The following AHNAK variants were observed in gnomAD, a reference collection of about 807,000 sequenced individuals.
AHNAK encodes the protein AHNAK nucleoprotein, also known as neuroblast differentiation-associated protein AHNAK.
AHNAK carries 23 observed loss-of-function variants against 37.8 expected under a neutral mutation model. The observed-to-expected ratio is 0.61, with a 90% confidence interval of 0.44 to 0.86. The LOEUF is 0.86. Ranked by LOEUF, AHNAK falls within the 40% of genes least tolerant of loss-of-function variation. AHNAK has a pLI of 0.00. For synonymous variants in AHNAK, 2,481 were observed against 2,636.3 expected (o/e 0.94, Z 1.80); for missense variants, 7,411 against 7,319.4 (o/e 1.01, Z -0.46).
chr11:62,535,558 G>T (rs1054202398), intron 3 of AHNAK, among the ~76,000 whole-genome samples: 3 of 151,714 alleles, frequency 2.0e-5, no homozygotes, highest in Non-Finnish European at 2.9e-5. Flanking sequence ...TGAGGCATAA[G>T]AATCGCTTGA....
chr11:62,448,730 C>T (rs756398728), intron 5 of AHNAK, among the ~76,000 whole-genome samples: 5 of 152,122 alleles, frequency 3.3e-5, no homozygotes, highest in Non-Finnish European at 7.3e-5. Context: ...GTGTTCAAGG[C>T]TGGAGCCCAA....
intron 5 of AHNAK, chr11:62,433,964 C>G: frequency 6.3e-7 from 1 of 1,585,464 alleles, no homozygotes; most frequent in Non-Finnish European, 8.6e-7. Context: ...GAAGATGGTT[C>G]GTTAACTTTG....
Position 62,450,629 on chromosome 11 carries a change from T to C in AHNAK, c.443-16738A>G, listed in dbSNP as rs564411734. ...CTGTGCCGTGTCCCTCACCATTTCC[T>C]GCAAGTGCCATGCACCGTCAGACCT... On this transcript the variant is annotated intron_variant, in intron 5 of 5. Transcript: ENST00000257247. Among the ~76,000 whole-genome samples the C allele has an allele frequency of 5.9e-5, 9 of 152,348 alleles. No homozygotes were observed. The South Asian group carries it at 1.4e-3, about 25-fold the overall frequency.
chr11:62,473,021 G>A (rs1022554528), intron 5 of AHNAK, among the ~76,000 whole-genome samples: 3 of 136,272 alleles, frequency 2.2e-5, no homozygotes, highest in Non-Finnish European at 3.1e-5. Flanking sequence ...GGAGGCAGAG[G>A]TTGCAGTGAG....
chr11:62,447,238 G>A (rs143332981), intron 5 of AHNAK, among the ~76,000 whole-genome samples: 3 of 152,132 alleles, frequency 2.0e-5, no homozygotes, highest in African/African-American at 7.2e-5. Flanking sequence ...CCTCCCCTTG[G>A]CTGGAAGAAT....
chr11:62,457,516 G>C (rs1309483693), intron 5 of AHNAK, among the ~76,000 whole-genome samples: 2 of 151,940 alleles, frequency 1.3e-5, no homozygotes, highest in African/African-American at 4.8e-5. Flanking sequence ...TGTAATCCCA[G>C]CTACTCAGGA....
At chr11:62,461,719 G>A (rs1565202076) in intron 5 of AHNAK, among the ~76,000 whole-genome samples, 1 of 152,028 alleles carries the variant, frequency 6.6e-6, no homozygotes, top group Non-Finnish European at 1.5e-5. Flanking sequence ...CAGCTACTCG[G>A]GAGGCTGAGG....
At chr11:62,543,291 T>G (rs902323660) in intron 1 of AHNAK, among the ~76,000 whole-genome samples, 1 of 151,590 alleles carries the variant, frequency 6.6e-6, no homozygotes, top group South Asian at 2.1e-4. Context: ...GCAGGAAACC[T>G]CCACCACCAG....
Position 62,536,112 on chromosome 11 carries a change from A to T in AHNAK, c.1-14T>A. 2.6e-6 allele frequency: 4 copies of T among 1,556,646 alleles called. No homozygotes were observed. Among genetic ancestry groups the T allele is most frequent in the Non-Finnish European group, 3.5e-6 (4 of 1,148,774 alleles). Reference sequence around the variant, plus strand: ...CTCCTTCTCCATCTGGAATGAGGTGAGGAAATGGAACTGGGGTCAGTGGGG... The same window carrying T: ...CTCCTTCTCCATCTGGAATGAGGTGTGGAAATGGAACTGGGGTCAGTGGGG... On this transcript the variant is annotated splice_polypyrimidine_tract_variant and intron_variant, in intron 2 of 4. Transcript: ENST00000378024.
chr11:62,510,776 T>TATATATATATATATATATAC (rs1555028323), intron 4 of AHNAK, among the ~76,000 whole-genome samples: 2 of 150,600 alleles, frequency 1.3e-5, no homozygotes, highest in African/African-American at 5.0e-5. Context: ...TATATATATA[T>TATATATATATATATATATAC]ATGTATATGT....
At chr11:62,535,618 A>G (rs1940918640) in intron 3 of AHNAK, among the ~76,000 whole-genome samples, 2 of 151,728 alleles carry the variant, frequency 1.3e-5, no homozygotes, top group South Asian at 4.2e-4. Context: ...ATTGCACTCC[A>G]GCCTGGGCAA....
chr11:62,535,249 C>A lies in AHNAK; in HGVS notation c.155-59G>T, dbSNP rs901642963. ...CAAAGAGCCTCAGGGAAACCGCACA[C>A]AGCCACCACACACTGGGCACTGAAC... On this transcript the variant is annotated intron_variant, in intron 3 of 4. Transcript: ENST00000378024. 9.6e-5 allele frequency: 141 copies of A among 1,470,508 alleles called. 1 individual carries two copies. Among genetic ancestry groups the A allele is most frequent in the Non-Finnish European group, 2.2e-5 (24 of 1,066,820 alleles). 91.1% of individuals were successfully genotyped at this position (1,470,508 alleles called of 1,614,324 possible).
At position 62,517,787 on chromosome 11, in the gene AHNAK, T is replaced by TA; in HGVS notation, c.16629_16630insT (p.Lys5544Ter). The TA allele has an allele frequency of 6.2e-7, 1 of 1,614,208 alleles. No individual in the cohort carries two copies. Among genetic ancestry groups the TA allele is most frequent in the Non-Finnish European group, 8.5e-7 (1 of 1,180,036 alleles). On this transcript the variant is annotated frameshift_variant, in exon 5 of 5. Coordinates refer to ENST00000378024, the MANE Select transcript of AHNAK (RefSeq NM_001620.3). LOFTEE classifies it high-confidence loss of function. ...GATGCCATATTAAAGGCAGGCCCCT[T>TA]CACACTGATATCAGGAGCAGCCCCA...
chr11:62,439,948 G>A (rs1420488064), intron 5 of AHNAK, among the ~76,000 whole-genome samples: 2 of 152,176 alleles, frequency 1.3e-5, no homozygotes, highest in African/African-American at 2.4e-5. Context: ...GATTGTAGGC[G>A]TGAGCCACTG....
chr11:62,537,988 T>A (rs1208769820), intron 1 of AHNAK, among the ~76,000 whole-genome samples: 1 of 151,794 alleles, frequency 6.6e-6, no homozygotes, highest in Non-Finnish European at 1.5e-5. Context: ...GCCGACCGAG[T>A]CTGTAAGTCT....
At chr11:62,461,715 C>T (rs1195468652) in intron 5 of AHNAK, among the ~76,000 whole-genome samples, 1 of 151,770 alleles carries the variant, frequency 6.6e-6, no homozygotes, top group Non-Finnish European at 1.5e-5. Context: ...ATCCCAGCTA[C>T]TCGGGAGGCT....
In AHNAK at chr11:62,532,575, G is replaced by A. The variant is rs759859488; in HGVS notation, c.1842C>T (p.Ala614=). ...CTGGGCCATGCGCTTCGACATCTGG[G>A]GCACTGACATCCACTTTGGGGCCTC... ...DVRGPKVDVS[A]PDVEAHGPEW... is the part of the protein sequence containing the mutation. The change falls in exon 5 of 5, where the codon GCC becomes GCT. Residue 614 remains alanine, a synonymous_variant. Coordinates refer to ENST00000378024, the MANE Select transcript of AHNAK (RefSeq NM_001620.3). 3 of 1,614,032 alleles carry A rather than the reference G, an allele frequency of 1.9e-6. No homozygotes were observed. The highest frequency in any genetic ancestry group is 2.5e-6 in the Non-Finnish European group (3 of 1,180,050).
In AHNAK at chr11:62,519,300, T is replaced by TA; in HGVS notation, c.15116_15117insT (p.Lys5039AsnfsTer5). 2 of 1,614,152 alleles carry TA rather than the reference T, an allele frequency of 1.2e-6. No homozygotes were observed. The highest frequency in any genetic ancestry group is 1.7e-6 in the Non-Finnish European group (2 of 1,180,022). On this transcript the variant is annotated frameshift_variant, in exon 5 of 5. Transcript: ENST00000378024. LOFTEE classifies it low-confidence loss of function (END_TRUNC). The stretch of plus-strand genomic sequence containing the variant: ...CAGGAACATTCAGGTCAAATCCCTG[T>TA]TTTTTGGCCTTAATCTTAGGACCAC...
intron 4 of AHNAK, among the ~76,000 whole-genome samples, chr11:62,492,401 G>T (rs1939518918): frequency 6.6e-6 from 1 of 152,140 alleles, no homozygotes; most frequent in Non-Finnish European, 1.5e-5. Flanking sequence ...TGGGGAAGGG[G>T]AGTGTTCCCA....
Sources: allele counts gnomAD v4.1 joint callset (sites outside exome capture counted in the v4.1 genomes callset), GRCh38; gene constraint gnomAD v4.1.1; transcripts MANE v1.5; gene names NCBI Gene and HGNC (gene_info 2026-07-23, HGNC 2026-07-21).